RPN2: variants seen among roughly 807,000 people sequenced by gnomAD.
The protein encoded by RPN2 is dolichyl-diphosphooligosaccharide--protein glycosyltransferase subunit 2.
A neutral mutation model predicts 71.4 loss-of-function variants in RPN2; 29 were observed. The ratio of observed to expected loss-of-function variants is 0.41; its 90% CI spans 0.30 to 0.55. RPN2 has a LOEUF of 0.55. RPN2 is among the 20% of genes least tolerant of loss of function. RPN2 has a pLI of 0.35. For synonymous variants in RPN2, 308 were observed against 305.0 expected (o/e 1.01, Z -0.10); for missense variants, 726 against 774.1 (o/e 0.94, Z 0.74).
intron 7 of RPN2, among the ~76,000 whole-genome samples, chr20:37,209,841 G>A (rs968181640): frequency 5.3e-5 from 8 of 152,002 alleles, no homozygotes; most frequent in African/African-American, 1.9e-4. Flanking sequence ...TCAGAAAGAA[G>A]GCAATATATT....
At chr20:37,225,884 T>C in intron 11 of RPN2, 82 bp downstream of exon 11, 1 of 959,110 alleles carries the variant, frequency 1.0e-6, no homozygotes, top group East Asian at 2.5e-5. Flanking sequence ...TAACATGGAC[T>C]AGAGAGAATT....
At chr20:37,204,688 C>T (rs1219333980) in intron 5 of RPN2, 79 bp from the exon 6 acceptor site, 6 of 1,454,614 alleles carry the variant, frequency 4.1e-6, no homozygotes, top group South Asian at 1.1e-5. Flanking sequence ...AAGCTGTCTG[C>T]AGTGGGGTTG....
In RPN2 at chr20:37,241,287, C is replaced by T. The variant is rs377604984; in HGVS notation, c.1884-16C>T. 1.9e-6 allele frequency: 3 copies of T among 1,612,310 alleles called. No individual in the cohort carries two copies. Among genetic ancestry groups the T allele is most frequent in the Non-Finnish European group, 2.5e-6 (3 of 1,179,036 alleles). Reference sequence around the variant, plus strand: ...AAACCTTCAGTAATTCTGTGTTTGTCTCCATTTTCTTTCAGAACAGCACAT... The same window carrying T: ...AAACCTTCAGTAATTCTGTGTTTGTTTCCATTTTCTTTCAGAACAGCACAT... On this transcript the variant is annotated splice_polypyrimidine_tract_variant and intron_variant, in intron 16 of 16. Coordinates refer to ENST00000237530, the MANE Select transcript of RPN2 (RefSeq NM_002951.5).
chr20:37,201,841 G>A (rs562155038), intron 4 of RPN2, among the ~76,000 whole-genome samples: 11 of 152,272 alleles, frequency 7.2e-5, no homozygotes, highest in African/African-American at 2.6e-4. Context: ...GTGTATATTT[G>A]TAAACTTGTC....
At chr20:37,224,097 A>C (rs1229213395) in intron 10 of RPN2, 128 bp downstream of exon 10, 1 of 766,936 alleles carries the variant, frequency 1.3e-6, no homozygotes, top group East Asian at 2.7e-5. Context: ...CCTAAATTAA[A>C]GAGTCTGTAG....
At chr20:37,208,466 G>A (rs1427365246) in intron 7 of RPN2, among the ~76,000 whole-genome samples, 1 of 152,052 alleles carries the variant, frequency 6.6e-6, no homozygotes. Context: ...CTGGAGTGCC[G>A]TGGTGCGATC....
At chr20:37,216,930 TTTTTCTTTC>T (rs1252017701) in intron 9 of RPN2, among the ~76,000 whole-genome samples, 3 of 88,512 alleles carry the variant, frequency 3.4e-5, no homozygotes, top group East Asian at 4.7e-4. Flanking sequence ...TTTCTTTTTC[TTTTTCTTTC>T]TTTTTTTTTG....
At chr20:37,238,934 C>G (rs576080358) in intron 16 of RPN2, 3 of 448,604 alleles carry the variant, frequency 6.7e-6, no homozygotes, top group Non-Finnish European at 1.3e-5. Flanking sequence ...TTATGAAGGA[C>G]TGATGGCCAC....
intron 2 of RPN2, among the ~76,000 whole-genome samples, chr20:37,196,144 C>T (rs1484757870): frequency 3.9e-5 from 6 of 152,016 alleles, no homozygotes; most frequent in Non-Finnish European, 8.8e-5. Flanking sequence ...ACTGCAACCT[C>T]TGCCTCCCGG....
intron 2 of RPN2, among the ~76,000 whole-genome samples, chr20:37,193,726 G>T (rs1221246040): frequency 1.3e-5 from 2 of 152,160 alleles, no homozygotes; most frequent in Non-Finnish European, 2.9e-5. Flanking sequence ...AGCAACACAG[G>T]AAGACAATGA....
rs201409762 is a variant in RPN2 at position 37,228,612 on chromosome 20, C to T, written c.1362C>T (p.Asp454=). ...AAGTGGTGTTTGTTGCCGAGCCAGA[C>T]AACAAGAACGTGTACAAGTTTGAAC... ...GQEVVFVAEP[D]NKNVYKFELD... is the part of the protein sequence containing the mutation. The change falls in exon 12 of 17, where the codon GAC becomes GAT. Residue 454 remains aspartate, a synonymous_variant. Coordinates refer to ENST00000237530, the MANE Select transcript of RPN2 (RefSeq NM_002951.5). 2.5e-4 allele frequency: 399 copies of T among 1,614,226 alleles called. No homozygotes were observed. Among genetic ancestry groups the T allele is most frequent in the Non-Finnish European group, 3.3e-4 (384 of 1,180,032 alleles).
At chr20:37,185,592 T>G (rs1046823520) in intron 2 of RPN2, among the ~76,000 whole-genome samples, 1 of 152,154 alleles carries the variant, frequency 6.6e-6, no homozygotes, top group African/African-American at 2.4e-5. Flanking sequence ...CACCACCGAC[T>G]TATTGGCTTA....
intron 16 of RPN2, among the ~76,000 whole-genome samples, chr20:37,239,783 C>T (rs1336237920): frequency 1.3e-5 from 2 of 152,192 alleles, no homozygotes; most frequent in South Asian, 2.1e-4. Context: ...ACCCTTCTCC[C>T]ACCCCCACTC....
Position 37,234,039 on chromosome 20 carries a change from A to G in RPN2, c.1697A>G (p.Asn566Ser), listed in dbSNP as rs759019977. 2 of 1,614,182 alleles carry G rather than the reference A, an allele frequency of 1.2e-6. No individual in the cohort carries two copies. The highest frequency in any genetic ancestry group is 2.2e-5 in the East Asian group (1 of 44,882). The change falls in exon 15 of 17, where the codon AAT (asparagine) becomes AGT (serine). Residue 566 changes from asparagine (N) to serine (S), a missense_variant. Coordinates refer to ENST00000237530, the MANE Select transcript of RPN2 (RefSeq NM_002951.5). ...LFALWIRIGA[N>S]VSNFTFAPST... ...ATTCAGTGGATCCGGATTGGTGCCA[A>G]TGTCTCCAACTTCACTTTTGCTCCT...
At chr20:37,200,440 C>T in intron 4 of RPN2, 1 of 531,146 alleles carries the variant, frequency 1.9e-6, no homozygotes, top group Non-Finnish European at 3.9e-6. Flanking sequence ...CACTGCAAAC[C>T]CTGAAGGAGG....
chr20:37,231,861 G>A (rs551178740), intron 13 of RPN2, among the ~76,000 whole-genome samples: 37 of 152,264 alleles, frequency 2.4e-4, no homozygotes, highest in Non-Finnish European at 4.6e-4. Flanking sequence ...ACCACCATTA[G>A]CCAATTAAGT....
chr20:37,212,504 A>G (rs2067698632), intron 8 of RPN2, among the ~76,000 whole-genome samples: 1 of 148,594 alleles, frequency 6.7e-6, no homozygotes, highest in African/African-American at 2.5e-5. Context: ...TTTTTTTGAG[A>G]CAGTTTCGCT....
chr20:37,231,200 G>A (rs2068233230), intron 13 of RPN2, among the ~76,000 whole-genome samples: 1 of 152,030 alleles, frequency 6.6e-6, no homozygotes, highest in African/African-American at 2.4e-5. Flanking sequence ...CAGCTGGAAA[G>A]TGAGGTGAAG....
intron 11 of RPN2, among the ~76,000 whole-genome samples, chr20:37,227,838 T>C (rs987760607): frequency 2.6e-5 from 4 of 152,268 alleles, no homozygotes; most frequent in Non-Finnish European, 5.9e-5. Context: ...ATCGTATTGC[T>C]ATTAACTACT....
Sources: allele counts gnomAD v4.1 joint callset (sites outside exome capture counted in the v4.1 genomes callset), GRCh38; gene constraint gnomAD v4.1.1; transcripts MANE v1.5; gene names NCBI Gene and HGNC (gene_info 2026-07-23, HGNC 2026-07-21).